Variants in KLHL2 observed in about 807,000 individuals in gnomAD.
KLHL2 encodes kelch-like protein 2.
In KLHL2, 15 loss-of-function variants were observed where a neutral mutation model predicts 75.8. That is an observed-to-expected ratio of 0.20 (90% CI 0.13 to 0.30). The LOEUF (loss-of-function observed/expected upper bound fraction) is 0.30, where lower values mean the gene tolerates loss of function less well. Among genes scored for constraint, KLHL2 ranks in the 10% least tolerant of loss-of-function variants. KLHL2 has a pLI of 1.00. For synonymous variants in KLHL2, 214 were observed against 251.9 expected (o/e 0.85, Z 1.42); for missense variants, 381 against 741.0 (o/e 0.51, Z 5.64).
intron 5 of KLHL2, chr4:165,278,797 A>G: frequency 6.5e-7 from 1 of 1,544,906 alleles, no homozygotes; most frequent in Non-Finnish European, 9.0e-7. Flanking sequence ...ATAGTAAGAA[A>G]CATCCTGTTC....
chr4:165,302,078 A>T (rs932297822), intron 8 of KLHL2, among the ~76,000 whole-genome samples: 1 of 152,144 alleles, frequency 6.6e-6, no homozygotes, highest in African/African-American at 2.4e-5. Flanking sequence ...TGTGCTGGGT[A>T]TGTGGGTCCC....
intron 14 of KLHL2, 126 bp from the exon 15 acceptor site, chr4:165,321,906 G>C (rs1747012660): frequency 1.2e-6 from 1 of 844,122 alleles, no homozygotes; most frequent in African/African-American, 1.7e-5. Context: ...GTTTAAGAAA[G>C]AGATTCTGAA....
At chr4:165,311,874 C>T (rs1179088948) in intron 11 of KLHL2, among the ~76,000 whole-genome samples, 2 of 145,386 alleles carry the variant, frequency 1.4e-5, no homozygotes, top group South Asian at 2.2e-4. Flanking sequence ...GTGTGTTTGA[C>T]TTATATAACA....
chr4:165,228,050 A>C (rs1738593407), intron 2 of KLHL2, among the ~76,000 whole-genome samples: 1 of 152,188 alleles, frequency 6.6e-6, no homozygotes, highest in Non-Finnish European at 1.5e-5. Context: ...GGTGTGGTCT[A>C]CCATGCCTGG....
intron 9 of KLHL2, among the ~76,000 whole-genome samples, chr4:165,309,602 ATGAG>A (rs1373568515): frequency 1.3e-5 from 2 of 152,216 alleles, no homozygotes; most frequent in Non-Finnish European, 2.9e-5. Flanking sequence ...ATGTAAATGA[ATGAG>A]TGTGGCAGTG....
rs766797590 is a variant in KLHL2 at position 165,322,068 on chromosome 4, G to A, written c.*8G>A. ...ATTGATAAACCATTATGAGCCTGAA[G>A]GACATTTTCAGCATATTTATACATG... is the stretch of plus-strand genomic sequence containing the variant. On this transcript the variant is annotated 3_prime_UTR_variant, in exon 15 of 15. Coordinates refer to ENST00000226725, the MANE Select transcript of KLHL2 (RefSeq NM_007246.4). The A allele has an allele frequency of 6.8e-5, 110 of 1,612,266 alleles. No homozygotes were observed. The highest frequency in any genetic ancestry group is 8.7e-5 in the Non-Finnish European group (103 of 1,178,530).
intron 1 of KLHL2, among the ~76,000 whole-genome samples, chr4:165,212,596 T>C (rs1737264108): frequency 6.6e-6 from 1 of 152,240 alleles, no homozygotes; most frequent in Admixed American, 6.5e-5. Context: ...GTTTTCCTAC[T>C]CTGGTTTTTA....
At chr4:165,264,766 A>ATATATATATATATATATATATATATAT (rs1560784444) in intron 5 of KLHL2, among the ~76,000 whole-genome samples, 1 of 95,722 alleles carries the variant, frequency 1.0e-5, no homozygotes, top group Non-Finnish European at 1.9e-5. Context: ...ATATATATAT[A>ATATATATATATATATATATATATATAT]AAACATTATC....
intron 4 of KLHL2, chr4:165,252,668 G>C (rs1294087839): frequency 1.3e-5 from 2 of 152,126 alleles, no homozygotes; most frequent in Non-Finnish European, 2.9e-5. Context: ...TGCGAAAATA[G>C]AATATAGCTA....
chr4:165,252,140 A>G (rs1483437647), intron 4 of KLHL2, among the ~76,000 whole-genome samples: 1 of 152,246 alleles, frequency 6.6e-6, no homozygotes, highest in Non-Finnish European at 1.5e-5. Context: ...TTAGCATCTT[A>G]TAACAGCATC....
intron 4 of KLHL2, among the ~76,000 whole-genome samples, chr4:165,255,416 T>A (rs1741083649): frequency 1.3e-5 from 2 of 152,236 alleles, no homozygotes; most frequent in South Asian, 2.1e-4. Context: ...TTGTTTTTTT[T>A]AAACTCTGTG....
At chr4:165,216,432 A>G (rs1316615073) in intron 1 of KLHL2, among the ~76,000 whole-genome samples, 1 of 152,230 alleles carries the variant, frequency 6.6e-6, no homozygotes, top group Admixed American at 6.5e-5. Flanking sequence ...AGAGTTGCAT[A>G]AAGACTTAAA....
chr4:165,274,427 G>T (rs1003435225), intron 5 of KLHL2, among the ~76,000 whole-genome samples: 1 of 152,084 alleles, frequency 6.6e-6, no homozygotes, highest in African/African-American at 2.4e-5. Context: ...GGCTAACATG[G>T]TGAAACCCTG....
chr4:165,236,370 T>C (rs1169117022), intron 3 of KLHL2, among the ~76,000 whole-genome samples: 1 of 152,168 alleles, frequency 6.6e-6, no homozygotes, highest in African/African-American at 2.4e-5. Flanking sequence ...TATCATTGGG[T>C]AGCCTAGTTT....
chr4:165,315,197 G>A (rs1278853840), intron 13 of KLHL2, among the ~76,000 whole-genome samples: 1 of 152,086 alleles, frequency 6.6e-6, no homozygotes, highest in African/African-American at 2.4e-5. Context: ...TCCTGGATTA[G>A]GAAATTTAGT....
intron 4 of KLHL2, among the ~76,000 whole-genome samples, chr4:165,254,792 C>G (rs1741031075): frequency 6.6e-6 from 1 of 152,206 alleles, no homozygotes; most frequent in African/African-American, 2.4e-5. Flanking sequence ...TCTTCTTTTG[C>G]AAATTTTCCC....
chr4:165,252,660 C>A (rs553773729), intron 4 of KLHL2: 1 of 152,024 alleles, frequency 6.6e-6, no homozygotes, highest in African/African-American at 2.4e-5. Context: ...TTATTTCTTG[C>A]GAAAATAGAA....
At chr4:165,263,808 T>G (rs1412393235) in intron 5 of KLHL2, among the ~76,000 whole-genome samples, 2 of 100,318 alleles carry the variant, frequency 2.0e-5, no homozygotes, top group Non-Finnish European at 3.5e-5. Context: ...TTACATTGTT[T>G]TTTTTTTTTT....
intron 9 of KLHL2, among the ~76,000 whole-genome samples, chr4:165,307,134 C>A (rs1039492647): frequency 6.6e-6 from 1 of 152,070 alleles, no homozygotes; most frequent in African/African-American, 2.4e-5. Flanking sequence ...ATGATGAAAC[C>A]CCTTCTCTAC....
Sources: gnomAD v4.1 joint callset for allele counts (sites outside exome capture counted in the v4.1 genomes callset) on GRCh38, gnomAD v4.1.1 for gene constraint, MANE v1.5 for transcripts, NCBI Gene and HGNC (gene_info 2026-07-23, HGNC 2026-07-21) for gene names.